Variants in ELAVL2 observed in about 807,000 individuals in gnomAD.
ELAVL2 encodes the protein ELAV like RNA binding protein 2, also known as ELAV-like protein 2.
In ELAVL2, 4 loss-of-function variants were observed where a neutral mutation model predicts 34.6. The observed-to-expected ratio is 0.12, with a 90% CI of 0.06 to 0.26. The LOEUF (loss-of-function observed/expected upper bound fraction) is 0.26. ELAVL2 is among the 10% of genes least tolerant of loss of function. ELAVL2 has a pLI of 1.00. For synonymous variants in ELAVL2, 193 were observed against 154.8 expected, an observed-to-expected ratio of 1.25 and a Z score of -1.83; for missense variants, 432 against 442.8, an observed-to-expected ratio of 0.98 and a Z score of 0.22.
intron 5 of ELAVL2, among the ~76,000 whole-genome samples, chr9:23,698,095 G>A (rs527853123): frequency 6.6e-6 from 1 of 152,188 alleles, no homozygotes; most frequent in African/African-American, 2.4e-5. Context: ...CATTTAAAAG[G>A]CTTTTTAAAA....
chr9:23,717,638 C>A (rs1159369771), intron 3 of ELAVL2, among the ~76,000 whole-genome samples: 2 of 152,128 alleles, frequency 1.3e-5, no homozygotes, highest in Non-Finnish European at 2.9e-5. Flanking sequence ...AAAACACCAT[C>A]AACTCTGAAA....
At chr9:23,788,245 G>A (rs967302481) in intron 1 of ELAVL2, among the ~76,000 whole-genome samples, 2 of 152,152 alleles carry the variant, frequency 1.3e-5, no homozygotes, top group African/African-American at 2.4e-5. Context: ...CTGAGCAATC[G>A]GATATAGCCT....
At chr9:23,817,664 G>C (rs534196189) in intron 1 of ELAVL2, among the ~76,000 whole-genome samples, 2 of 152,054 alleles carry the variant, frequency 1.3e-5, no homozygotes, top group Non-Finnish European at 2.9e-5. Flanking sequence ...TACAAGCTTA[G>C]AGATAAAAAA....
intron 2 of ELAVL2, among the ~76,000 whole-genome samples, chr9:23,731,727 A>G (rs1170586209): frequency 6.6e-6 from 1 of 152,202 alleles, no homozygotes; most frequent in Non-Finnish European, 1.5e-5. Context: ...GATCTAGATA[A>G]GAACAGGAAA....
At chr9:23,830,625 C>CACACACACACACACACACA (rs1554774159), upstream of ELAVL2, among the ~76,000 whole-genome samples, 81 of 141,962 alleles carry the variant, frequency 5.7e-4, no homozygotes, top group Middle Eastern at 3.7e-3. Context: ...CACACACACA[C>CACACACACACACACACACA]CTTTTTTTTT....
intron 1 of ELAVL2, among the ~76,000 whole-genome samples, chr9:23,780,630 A>G (rs2058934339): frequency 6.6e-6 from 1 of 152,170 alleles, no homozygotes. Flanking sequence ...GGTTAAAGAA[A>G]TAAGAGTATT....
At chr9:23,744,757 T>G (rs1346932701) in intron 2 of ELAVL2, among the ~76,000 whole-genome samples, 1 of 151,622 alleles carries the variant, frequency 6.6e-6, no homozygotes, top group Non-Finnish European at 1.5e-5. Flanking sequence ...CGAAAAAAAA[T>G]AAAAATAAAA....
At chr9:23,710,582 C>A (rs1178269400) in intron 3 of ELAVL2, among the ~76,000 whole-genome samples, 1 of 152,208 alleles carries the variant, frequency 6.6e-6, no homozygotes, top group East Asian at 1.9e-4. Flanking sequence ...ACTTTTATCA[C>A]TTGTCAATTA....
At position 23,807,224 on chromosome 9, in the gene ELAVL2, A is replaced by G. The variant is rs539025186; in HGVS notation, c.-16+18582T>C. On this transcript the variant is annotated intron_variant, in intron 1 of 6. Coordinates refer to ENST00000397312, the MANE Select transcript of ELAVL2 (RefSeq NM_004432.5). ...AATCTAATAAGGTGGTCAGAAAGAC[A>G]CTATTTTAAAATATCATATCCTTGC... is the stretch of plus-strand genomic sequence containing the variant. Among the ~76,000 whole-genome samples the G allele has an allele frequency of 2.9e-3, 446 of 152,276 alleles. 1 individual carries two copies. Among genetic ancestry groups the G allele is most frequent in the African/African-American group, 0.01 (429 of 41,568 alleles).
intron 1 of ELAVL2, among the ~76,000 whole-genome samples, chr9:23,815,760 TAAG>T (rs1237188386): frequency 2.0e-5 from 3 of 152,090 alleles, no homozygotes; most frequent in Non-Finnish European, 4.4e-5. Flanking sequence ...TGTGCTAAAT[TAAG>T]AATTTCAACC....
the ELAVL2 span, chr9:23,831,552 A>G: frequency 6.6e-6 from 1 of 152,254 alleles, no homozygotes; most frequent in African/African-American, 2.4e-5. Context: ...CCCGCTGCAG[A>G]GATGGAGATG....
At chr9:23,841,357 A>C in the ELAVL2 span, among the ~76,000 whole-genome samples, 28 of 152,136 alleles carry the variant, frequency 1.8e-4, no homozygotes. Context: ...AGAGTGATTT[A>C]TACCCTGGCA....
chr9:23,800,928 G>C (rs1203142207), intron 1 of ELAVL2, among the ~76,000 whole-genome samples: 1 of 152,070 alleles, frequency 6.6e-6, no homozygotes, highest in African/African-American at 2.4e-5. Flanking sequence ...TTTCCTTCCT[G>C]CTTGTTGGAA....
Position 23,701,364 on chromosome 9 carries a change from C to G in ELAVL2, c.713+15G>C. 1 of 1,613,616 alleles carries G rather than the reference C, an allele frequency of 6.2e-7. No individual in the cohort carries two copies. The highest frequency in any genetic ancestry group is 2.2e-5 in the East Asian group (1 of 44,874). The stretch of plus-strand genomic sequence containing the variant: ...TCAGTTTAGTAGCTGGGCACAAGAA[C>G]CAAACCAGACTTACCTAAAACGCTG... On this transcript the variant is annotated intron_variant, in intron 5 of 6. Coordinates refer to ENST00000397312, the MANE Select transcript of ELAVL2 (RefSeq NM_004432.5).
At chr9:23,844,286 T>C in the ELAVL2 span, among the ~76,000 whole-genome samples, 7 of 152,140 alleles carry the variant, frequency 4.6e-5, no homozygotes, top group African/African-American at 1.7e-4. Flanking sequence ...GCACAGCCAT[T>C]TTTTCCAGCC....
intron 3 of ELAVL2, among the ~76,000 whole-genome samples, chr9:23,717,752 C>T (rs959283341): frequency 6.6e-6 from 1 of 152,276 alleles, no homozygotes; most frequent in South Asian, 2.1e-4. Flanking sequence ...TAAGTGCTGT[C>T]TCCCTTACTA....
the ELAVL2 span, chr9:23,831,606 A>G: frequency 2.6e-5 from 4 of 152,278 alleles, no homozygotes; most frequent in Non-Finnish European, 5.9e-5. Flanking sequence ...TAGGTTTGCA[A>G]TGCGCCAAAC....
At chr9:23,718,662 T>G (rs558361518) in intron 3 of ELAVL2, among the ~76,000 whole-genome samples, 4 of 152,288 alleles carry the variant, frequency 2.6e-5, no homozygotes, top group African/African-American at 7.2e-5. Flanking sequence ...CCTACACATA[T>G]TTTGTGGGGC....
At chr9:23,748,276 G>A (rs1039638893) in intron 2 of ELAVL2, among the ~76,000 whole-genome samples, 2 of 152,088 alleles carry the variant, frequency 1.3e-5, no homozygotes, top group Non-Finnish European at 2.9e-5. Context: ...ATTGAGGAAT[G>A]GCTTTCTGCC....
Sources: allele counts gnomAD v4.1 joint callset (sites outside exome capture counted in the v4.1 genomes callset), GRCh38; gene constraint gnomAD v4.1.1; transcripts MANE v1.5; gene names NCBI Gene and HGNC (gene_info 2026-07-23, HGNC 2026-07-21).